The following FHIT variants were observed in gnomAD, a reference collection of about 807,000 sequenced individuals.
FHIT encodes bis(5'-adenosyl)-triphosphatase.
Under a neutral mutation model 17.9 loss-of-function variants are expected in FHIT, and 19 were observed. The ratio of observed to expected loss-of-function variants is 1.06; its 90% CI spans 0.74 to 1.56. The LOEUF (loss-of-function observed/expected upper bound fraction) is 1.56, where lower values mean the gene tolerates loss of function less well. FHIT is among the 40% of genes most tolerant of loss of function. FHIT has a pLI of 0.00. For synonymous variants in FHIT, 81 were observed against 69.7 expected (o/e 1.16, Z -0.81); for missense variants, 248 against 189.2 (o/e 1.31, Z -1.82).
At chr3:60,395,911 C>T (rs1300651234) in intron 5 of FHIT, among the ~76,000 whole-genome samples, 1 of 152,098 alleles carries the variant, frequency 6.6e-6, no homozygotes. Context: ...TGCTTAGATT[C>T]CATCCTTAAA....
chr3:61,187,383 A>G (rs971626810), intron 2 of FHIT, among the ~76,000 whole-genome samples: 1 of 152,152 alleles, frequency 6.6e-6, no homozygotes, highest in Non-Finnish European at 1.5e-5. Flanking sequence ...AGAGCTAACT[A>G]TCCTAAATAT....
intron 3 of FHIT, among the ~76,000 whole-genome samples, chr3:61,009,167 G>A (rs561704978): frequency 1.6e-4 from 24 of 152,280 alleles, no homozygotes; most frequent in African/African-American, 4.6e-4. Flanking sequence ...AGCTTAAGAA[G>A]CAATAGACTG....
rs2036158728 is a variant in FHIT, at chr3:61,111,522, G to A, written c.-163-69423C>T. On this transcript the variant is annotated intron_variant, in intron 2 of 9. Coordinates refer to ENST00000492590, the MANE Select transcript of FHIT (RefSeq NM_002012.4). ...TACCTGACACATCACAGGCACTCAC[G>A]TGCATTTGCTGCGTGGAGGAAAGAA... Among the ~76,000 whole-genome samples, 4 of 152,276 alleles carry A rather than the reference G, an allele frequency of 2.6e-5. No homozygotes were observed. The South Asian group carries it at 6.2e-4, about 24-fold the overall frequency.
intron 4 of FHIT, among the ~76,000 whole-genome samples, chr3:60,732,993 A>G (rs1292573487): frequency 1.3e-5 from 2 of 152,098 alleles, no homozygotes; most frequent in South Asian, 2.1e-4. Flanking sequence ...GCCTGATTGC[A>G]TATGAAATGC....
chr3:61,083,614 T>C (rs964807022), intron 2 of FHIT, among the ~76,000 whole-genome samples: 1 of 151,996 alleles, frequency 6.6e-6, no homozygotes, highest in Non-Finnish European at 1.5e-5. Context: ...AGAAACCTTA[T>C]ACCTACTAGC....
At chr3:60,096,411 C>T (rs930259895) in intron 5 of FHIT, among the ~76,000 whole-genome samples, 1 of 152,058 alleles carries the variant, frequency 6.6e-6, no homozygotes, top group Non-Finnish European at 1.5e-5. Flanking sequence ...ATTGGTTCAA[C>T]GGCATTATTC....
chr3:59,865,707 G>C (rs1702614710), intron 8 of FHIT, among the ~76,000 whole-genome samples: 1 of 152,192 alleles, frequency 6.6e-6, no homozygotes. Flanking sequence ...AAGAGAGAAA[G>C]TCTTGATTCA....
chr3:60,771,846 G>C (rs1396003334), intron 4 of FHIT, among the ~76,000 whole-genome samples: 1 of 152,064 alleles, frequency 6.6e-6, no homozygotes, highest in African/African-American at 2.4e-5. Context: ...ATTTTCACCA[G>C]CCTGGAACTT....
chr3:60,362,602 T>A, intron 5 of FHIT, among the ~76,000 whole-genome samples: 1 of 152,214 alleles, frequency 6.6e-6, no homozygotes, highest in East Asian at 1.9e-4. Context: ...ATCATCAACA[T>A]GAGAAACATG....
chr3:59,866,833 G>A (rs1267447813), intron 8 of FHIT, among the ~76,000 whole-genome samples: 4 of 152,140 alleles, frequency 2.6e-5, no homozygotes, highest in East Asian at 1.9e-4. Context: ...TGAGACCAGC[G>A]GGTTTGCCAC....
chr3:60,487,913 G>C (rs867524932), intron 5 of FHIT, among the ~76,000 whole-genome samples: 1 of 152,124 alleles, frequency 6.6e-6, no homozygotes, highest in African/African-American at 2.4e-5. Flanking sequence ...TATTTCTCCA[G>C]CCAAAGCAAA....
chr3:61,188,038 A>G (rs1442833863), intron 2 of FHIT, among the ~76,000 whole-genome samples: 1 of 152,204 alleles, frequency 6.6e-6, no homozygotes, highest in Non-Finnish European at 1.5e-5. Context: ...AAGCAAGAGC[A>G]AACACATTCA....
chr3:60,143,530 T>C (rs1312768017), intron 5 of FHIT, among the ~76,000 whole-genome samples: 1 of 152,148 alleles, frequency 6.6e-6, no homozygotes, highest in Non-Finnish European at 1.5e-5. Flanking sequence ...CTAGATCTGC[T>C]AAACCCCAGA....
intron 8 of FHIT, among the ~76,000 whole-genome samples, chr3:59,832,774 A>G (rs1701209530): frequency 1.3e-5 from 2 of 152,188 alleles, no homozygotes; most frequent in Admixed American, 1.3e-4. Context: ...AGCTTACATC[A>G]TGTGCGCAAG....
At chr3:59,809,747 G>A (rs1700341581) in intron 8 of FHIT, among the ~76,000 whole-genome samples, 1 of 152,130 alleles carries the variant, frequency 6.6e-6, no homozygotes, top group Non-Finnish European at 1.5e-5. Flanking sequence ...GAGAAGATTG[G>A]CCTCAGACAC....
chr3:60,702,748 C>T (rs77734629), intron 4 of FHIT, among the ~76,000 whole-genome samples: 4,707 of 152,160 alleles, frequency 0.031, 91 homozygotes, highest in South Asian at 0.086. Flanking sequence ...TAACACAGTG[C>T]TAAGTAACAG....
chr3:60,847,751 G>A (rs958614862), intron 3 of FHIT, among the ~76,000 whole-genome samples: 17 of 151,874 alleles, frequency 1.1e-4, no homozygotes, highest in African/African-American at 4.1e-4. Context: ...ATTTCTGCCT[G>A]TGGTAAAACC....
At chr3:60,108,949 C>T (rs1704549358) in intron 5 of FHIT, among the ~76,000 whole-genome samples, 1 of 152,172 alleles carries the variant, frequency 6.6e-6, no homozygotes, top group Non-Finnish European at 1.5e-5. Flanking sequence ...AGGCGTGAGC[C>T]ACCATGCCCA....
At chr3:60,489,515 G>C (rs1375048965) in intron 5 of FHIT, among the ~76,000 whole-genome samples, 1 of 152,116 alleles carries the variant, frequency 6.6e-6, no homozygotes, top group Admixed American at 6.5e-5. Context: ...TTTGGCCTAA[G>C]GAGCCTATAG....
Sources: allele counts gnomAD v4.1 joint callset (sites outside exome capture counted in the v4.1 genomes callset), GRCh38; gene constraint gnomAD v4.1.1; transcripts MANE v1.5; gene names NCBI Gene and HGNC (gene_info 2026-07-23, HGNC 2026-07-21).